ZNF79: variants seen among roughly 807,000 people sequenced by gnomAD.
The protein encoded by ZNF79 is zinc finger protein 79.
Under a neutral mutation model 14.9 loss-of-function variants are expected in ZNF79, and 13 were observed. The observed-to-expected ratio is 0.87, with a 90% confidence interval of 0.57 to 1.38. The LOEUF is 1.38. Among genes scored for constraint, ZNF79 ranks in the 40% most tolerant of loss-of-function variants. The pLI is 0.00. For synonymous variants in ZNF79, 223 were observed against 235.1 expected (o/e 0.95, Z 0.47); for missense variants, 631 against 630.6 (o/e 1.00, Z -0.01).
intron 4 of ZNF79, among the ~76,000 whole-genome samples, chr9:127,436,656 A>C (rs1371013151): frequency 6.6e-6 from 1 of 152,218 alleles, no homozygotes; most frequent in Non-Finnish European, 1.5e-5. Context: ...GGGCCTCAGC[A>C]GCTTTTCCCT....
At chr9:127,432,446 G>A (rs916158397) in intron 2 of ZNF79, among the ~76,000 whole-genome samples, 5 of 151,884 alleles carry the variant, frequency 3.3e-5, no homozygotes, top group African/African-American at 7.2e-5. Context: ...CACCACGCCC[G>A]GCCTAAAATT....
chr9:127,444,709 G>A lies in ZNF79; in HGVS notation c.1009G>A (p.Glu337Lys), dbSNP rs1346487947. The change falls in exon 5 of 5, where the codon GAG becomes AAG. Residue 337 changes from glutamate to lysine, a missense_variant. By Grantham distance (56) the Glu-to-Lys change is moderately conservative. Transcript: ENST00000342483. Reference sequence around the variant, plus strand: ...CGGGGAGAAGCCCTACAAGTGCAGCGAGTGTGGGAAGGCCTTCAGTTACTG... The same window carrying A: ...CGGGGAGAAGCCCTACAAGTGCAGCAAGTGTGGGAAGGCCTTCAGTTACTG... ...HTGEKPYKCS[E>K]CGKAFSYCAA... The A allele has an allele frequency of 1.9e-6, 3 of 1,613,900 alleles. No individual in the cohort carries two copies. The highest frequency in any genetic ancestry group is 2.5e-6 in the Non-Finnish European group (3 of 1,179,892).
chr9:127,428,649 C>T, intron 1 of ZNF79, 183 bp from the exon 2 acceptor site: 1 of 1,231,016 alleles, frequency 8.1e-7, no homozygotes, highest in Non-Finnish European at 1.0e-6. Flanking sequence ...TCTAATGCCT[C>T]CCTACATCTG....
intron 4 of ZNF79, among the ~76,000 whole-genome samples, chr9:127,439,805 A>G (rs1166427031): frequency 6.6e-6 from 1 of 152,244 alleles, no homozygotes; most frequent in Admixed American, 6.5e-5. Context: ...AGTGGGGATG[A>G]AGACGTAGTT....
At chr9:127,438,846 C>T (rs1289135201) in intron 4 of ZNF79, among the ~76,000 whole-genome samples, 12 of 152,204 alleles carry the variant, frequency 7.9e-5, no homozygotes, top group Non-Finnish European at 1.6e-4. Context: ...CGCAGTGGCT[C>T]ACGCTTGTAA....
chr9:127,434,955 C>T (rs2089968609), intron 2 of ZNF79, 135 bp from the exon 3 acceptor site: 2 of 1,065,850 alleles, frequency 1.9e-6, no homozygotes, highest in Non-Finnish European at 2.6e-6. Flanking sequence ...CGCACCTGGC[C>T]ATTTTCTTCA....
chr9:127,444,058 G>A lies in ZNF79; in HGVS notation c.358G>A (p.Glu120Lys), dbSNP rs764911536. 1.5e-5 allele frequency: 24 copies of A among 1,605,954 alleles called. No individual in the cohort carries two copies. The highest frequency in any genetic ancestry group is 1.9e-5 in the Non-Finnish European group (22 of 1,175,670). The change falls in exon 5 of 5, where the codon GAG becomes AAG. Residue 120 changes from glutamate (E) to lysine (K), a missense_variant. Physicochemically the swap from Glu to Lys is moderately conservative, Grantham distance 56. Coordinates refer to ENST00000342483, the MANE Select transcript of ZNF79 (RefSeq NM_007135.3). ...GAAGATTATATCTGGATCACCACCAGAGCAAGCCCTTTCTGAAGCTTCATT... is the reference window on the plus strand; with the variant it reads ...GAAGATTATATCTGGATCACCACCAAAGCAAGCCCTTTCTGAAGCTTCATT... ...GWKIISGSPPEQALSEASFQD... is the reference protein window; with the variant it reads ...GWKIISGSPPKQALSEASFQD...
In ZNF79 at chr9:127,443,198, T is replaced by C. The variant is rs1232621471; in HGVS notation, c.329-831T>C. 2.6e-5 allele frequency among the ~76,000 whole-genome samples: 4 copies of C among 152,086 alleles called. No homozygotes were observed. The East Asian group carries it at 7.7e-4, about 29-fold the overall frequency. ...CTCACACCTATAATCCCCAGCACTT[T>C]GGGAGGCTGAGGCAGGAGGGTCGCT... On this transcript the variant is annotated intron_variant, in intron 4 of 4. Transcript: ENST00000342483.
intron 1 of ZNF79, chr9:127,428,521 C>T: frequency 3.4e-6 from 1 of 298,422 alleles, no homozygotes; most frequent in Non-Finnish European, 5.3e-6. Flanking sequence ...CAGATTATCC[C>T]TTACAAGGGT....
chr9:127,434,934 G>A (rs1021882767), intron 2 of ZNF79, among the ~76,000 whole-genome samples, 156 bp from the exon 3 acceptor site: 7 of 152,194 alleles, frequency 4.6e-5, no homozygotes, highest in African/African-American at 1.7e-4. Flanking sequence ...GGGAGTACAG[G>A]CGTGAGCCAC....
chr9:127,439,098 C>T (rs934368735), intron 4 of ZNF79, among the ~76,000 whole-genome samples: 16 of 149,076 alleles, frequency 1.1e-4, no homozygotes, highest in Admixed American at 2.0e-4. Context: ...GGCGACTAAG[C>T]GAGACTCTGT....
chr9:127,437,963 C>T (rs937201725), intron 4 of ZNF79, among the ~76,000 whole-genome samples: 2 of 152,080 alleles, frequency 1.3e-5, no homozygotes, highest in African/African-American at 2.4e-5. Context: ...ATCACCACAT[C>T]GTTAGAAACA....
intron 1 of ZNF79, among the ~76,000 whole-genome samples, chr9:127,426,693 C>T (rs1237646208): frequency 1.3e-5 from 2 of 152,224 alleles, no homozygotes; most frequent in African/African-American, 4.8e-5. Context: ...TAGCATGCGT[C>T]AGTACTTCAT....
chr9:127,424,830 T>C, intron 1 of ZNF79, 27 bp downstream of exon 1: 1 of 1,613,636 alleles, frequency 6.2e-7, no homozygotes, highest in Non-Finnish European at 8.5e-7. Context: ...GGAGCGATTG[T>C]CAAGAGATCG....
intron 1 of ZNF79, 123 bp from the exon 2 acceptor site, chr9:127,428,709 C>T: frequency 7.9e-7 from 1 of 1,262,916 alleles, no homozygotes; most frequent in Non-Finnish European, 1.0e-6. Context: ...AAATTTACAT[C>T]ACACTACAGG....
chr9:127,428,402 G>A (rs1379520398), intron 1 of ZNF79: 1 of 152,554 alleles, frequency 6.6e-6, no homozygotes, highest in East Asian at 1.9e-4. Flanking sequence ...TAAATTTGCA[G>A]AGTCACTTTC....
chr9:127,443,665 G>GC (rs1834090621), intron 4 of ZNF79, among the ~76,000 whole-genome samples: 1 of 152,138 alleles, frequency 6.6e-6, no homozygotes, highest in Non-Finnish European at 1.5e-5. Context: ...ACTTTGGGAG[G>GC]CCGAGGCGGG....
intron 4 of ZNF79, among the ~76,000 whole-genome samples, chr9:127,438,866 T>G (rs1833996200): frequency 6.6e-6 from 1 of 152,174 alleles, no homozygotes; most frequent in Non-Finnish European, 1.5e-5. Flanking sequence ...ATCCTAGCAC[T>G]TTGGGAGGCC....
Position 127,444,738 on chromosome 9 carries a change from A to G in ZNF79, c.1038A>G (p.Ala346=), listed in dbSNP as rs750566685. 6.2e-7 allele frequency: 1 copy of G among 1,608,516 alleles called. No homozygotes were observed. The highest frequency in any genetic ancestry group is 8.5e-7 in the Non-Finnish European group (1 of 1,178,198). Residue 346 remains alanine (A), a synonymous_variant, in exon 5 of 5, where the codon GCA becomes GCG. Transcript: ENST00000342483. ...GTGGGAAGGCCTTCAGTTACTGCGCAGCGTTCATTCAGCACCAGAGGATTC... is the reference window on the plus strand; with the variant it reads ...GTGGGAAGGCCTTCAGTTACTGCGCGGCGTTCATTCAGCACCAGAGGATTC... The part of the protein sequence containing the change: ...SECGKAFSYC[A]AFIQHQRIHT...
Sources: allele counts gnomAD v4.1 joint callset (sites outside exome capture counted in the v4.1 genomes callset), GRCh38; gene constraint gnomAD v4.1.1; transcripts MANE v1.5; gene names NCBI Gene and HGNC (gene_info 2026-07-23, HGNC 2026-07-21).